The following HK1 variants were observed in gnomAD, a reference collection of about 807,000 sequenced individuals.
HK1 encodes hexokinase 1.
HK1 carries 28 observed loss-of-function variants against 91.6 expected under a neutral mutation model. That is an observed-to-expected ratio of 0.31 (90% CI 0.23 to 0.42). HK1 has a LOEUF of 0.42. Ranked by LOEUF, HK1 falls within the 10% of genes least tolerant of loss-of-function variation. The probability of loss-of-function intolerance (pLI) is 1.00; values close to 1 mark genes in which losing one functional copy is unlikely to be tolerated. For synonymous variants in HK1, 430 were observed against 468.1 expected, an observed-to-expected ratio of 0.92 and a Z score of 1.05; for missense variants, 770 against 1,219.8, an observed-to-expected ratio of 0.63 and a Z score of 5.49.
chr10:69,338,906 C>T (rs1404177480), intron 1 of HK1, among the ~76,000 whole-genome samples: 1 of 152,040 alleles, frequency 6.6e-6, no homozygotes, highest in African/African-American at 2.4e-5. Context: ...CCCCAAAGAC[C>T]AAGAGTCAGC....
At chr10:69,300,278 C>A (rs1258101883) in intron 4 of HK1, among the ~76,000 whole-genome samples, 1 of 151,840 alleles carries the variant, frequency 6.6e-6, no homozygotes, top group Admixed American at 6.6e-5. Context: ...CATTCTTGAA[C>A]CTCATATAAA....
chr10:69,380,065 T>C lies in HK1; in HGVS notation c.1235T>C (p.Val412Ala), dbSNP rs1403687604. ...CCCAGGCTGCGGACCACGGTTGGTG[T>C]CGACGGATCTCTTTACAAGACGCAC... ...GTPRLRTTVG[V>A]DGSLYKTHPQ... The change falls in exon 9 of 18, where the codon GTC becomes GCC. Residue 412 changes from valine (V) to alanine (A), a missense_variant. By Grantham distance (64) the Val-to-Ala change is moderately conservative. Coordinates refer to ENST00000359426, the MANE Select transcript of HK1 (RefSeq NM_000188.3). The surrounding 1 kb of genome is among the most constrained non-coding windows in gnomAD (Gnocchi z 4.0). 6.2e-7 allele frequency: 1 copy of C among 1,614,080 alleles called. No individual in the cohort carries two copies. The highest frequency in any genetic ancestry group is 1.1e-5 in the South Asian group (1 of 91,086).
At chr10:69,371,195 G>A (rs1445347612) in intron 7 of HK1, among the ~76,000 whole-genome samples, 1 of 152,112 alleles carries the variant, frequency 6.6e-6, no homozygotes, top group Non-Finnish European at 1.5e-5. Context: ...TCTCAGTGAG[G>A]GAATTCCCAA....
chr10:69,401,308 G>T lies in HK1; in HGVS notation c.*173G>T. 1.4e-6 allele frequency: 1 copy of T among 708,206 alleles called. No homozygotes were observed. The highest frequency in any genetic ancestry group is 1.7e-5 in the South Asian group (1 of 57,710). The allele number at this position is 708,206 out of a possible 1,614,324, so 43.9% of individuals were successfully genotyped here. A position where few individuals can be genotyped will look rare whatever the true frequency, so the allele number is the denominator to read the frequency against. ...TTGTAGGGTACAGAATAGAGCGTGTGCTGTTGATAATATCTCTCACCCGGA... is the reference window on the plus strand; with the variant it reads ...TTGTAGGGTACAGAATAGAGCGTGTTCTGTTGATAATATCTCTCACCCGGA... On this transcript the variant is annotated 3_prime_UTR_variant, in exon 18 of 18. Transcript: ENST00000359426.
intron 8 of HK1, among the ~76,000 whole-genome samples, chr10:69,377,614 T>A (rs1839181592): frequency 2.0e-5 from 3 of 152,134 alleles, no homozygotes; most frequent in African/African-American, 7.2e-5. Context: ...TATGGCACAT[T>A]TATCTTCCAG....
intron 1 of HK1, among the ~76,000 whole-genome samples, chr10:69,334,463 A>C (rs1847878684): frequency 6.6e-6 from 1 of 152,176 alleles, no homozygotes. Flanking sequence ...GCAGTGGTGA[A>C]GTGCTGAGGG....
intron 2 of HK1, among the ~76,000 whole-genome samples, chr10:69,285,699 G>A (rs1373450760): frequency 6.6e-6 from 1 of 152,146 alleles, no homozygotes; most frequent in African/African-American, 2.4e-5. Context: ...CGACATGTGC[G>A]AGTACCAGAG....
chr10:69,389,097 A>G, intron 13 of HK1, 100 bp from the exon 14 acceptor site: 2 of 842,850 alleles, frequency 2.4e-6, no homozygotes, highest in Non-Finnish European at 4.0e-6. Context: ...TTAGATGATG[A>G]CCAGTGGCTC....
chr10:69,289,269 T>G (rs1173785997), intron 3 of HK1, among the ~76,000 whole-genome samples: 1 of 152,044 alleles, frequency 6.6e-6, no homozygotes, highest in East Asian at 1.9e-4. Context: ...GGGCCACTTG[T>G]GTTCTGACCA....
upstream of HK1, chr10:69,318,089 G>A: frequency 5.1e-6 from 5 of 985,444 alleles, no homozygotes; most frequent in Non-Finnish European, 6.0e-6. Context: ...CCCAGAGGGA[G>A]TGCGCCCTGA....
At chr10:69,311,056 C>CCA (rs1846352333), upstream of HK1, among the ~76,000 whole-genome samples, 1 of 133,804 alleles carries the variant, frequency 7.5e-6, no homozygotes, top group African/African-American at 2.7e-5. Flanking sequence ...GACTCCGTCT[C>CCA]AAAAAAAAAA....
intron 2 of HK1, among the ~76,000 whole-genome samples, chr10:69,354,220 C>T (rs749469576): frequency 1.3e-5 from 2 of 152,178 alleles, no homozygotes; most frequent in Non-Finnish European, 2.9e-5. Context: ...CTGTGTGTGT[C>T]TCACATGATG....
chr10:69,311,052 G>A (rs540212304), upstream of HK1, among the ~76,000 whole-genome samples: 9 of 131,016 alleles, frequency 6.9e-5, no homozygotes, highest in East Asian at 1.3e-3. Flanking sequence ...GTGAGACTCC[G>A]TCTCAAAAAA....
chr10:69,285,039 G>A (rs780955948), intron 2 of HK1, among the ~76,000 whole-genome samples: 2 of 151,876 alleles, frequency 1.3e-5, no homozygotes, highest in African/African-American at 2.4e-5. Context: ...TGATGGTCTC[G>A]AACTCCTGAC....
At chr10:69,396,203 G>A (rs1458357101) in intron 16 of HK1, among the ~76,000 whole-genome samples, 1 of 151,076 alleles carries the variant, frequency 6.6e-6, no homozygotes, top group Non-Finnish European at 1.5e-5. Flanking sequence ...GCCCGGTGGC[G>A]GAGGTTGCAA....
At chr10:69,287,293 C>T (rs556260208) in intron 2 of HK1, among the ~76,000 whole-genome samples, 2 of 152,158 alleles carry the variant, frequency 1.3e-5, no homozygotes, top group East Asian at 3.9e-4. Context: ...GGAAGAGCCT[C>T]TTATAAAACC....
upstream of HK1, chr10:69,318,085 G>T (rs1846743365): frequency 1.0e-6 from 1 of 985,450 alleles, no homozygotes; most frequent in Non-Finnish European, 1.2e-6. Context: ...CCCGCCCAGA[G>T]GGAGTGCGCC....
intron 7 of HK1, among the ~76,000 whole-genome samples, chr10:69,370,353 C>T (rs1177099681): frequency 2.6e-5 from 4 of 151,964 alleles, no homozygotes; most frequent in Admixed American, 6.6e-5. Flanking sequence ...CTCAAATTAT[C>T]CCCTGCTGCA....
At chr10:69,283,854 C>T (rs1043219774) in intron 2 of HK1, among the ~76,000 whole-genome samples, 4 of 149,960 alleles carry the variant, frequency 2.7e-5, no homozygotes, top group South Asian at 4.3e-4. Context: ...AAGAGCTATC[C>T]AAGTCTCAGG....
Sources: gnomAD v4.1 joint callset for allele counts (sites outside exome capture counted in the v4.1 genomes callset) on GRCh38, gnomAD v4.1.1 for gene constraint, Gnocchi (gnomAD v3.1) non-coding constraint, MANE v1.5 for transcripts, NCBI Gene and HGNC (gene_info 2026-07-23, HGNC 2026-07-21) for gene names.